BICD1: variants seen among roughly 807,000 people sequenced by gnomAD.
BICD1 encodes protein bicaudal D homolog 1.
A neutral mutation model predicts 92.5 loss-of-function variants in BICD1; 35 were observed. The ratio of observed to expected loss-of-function variants is 0.38; its 90% confidence interval spans 0.29 to 0.50. The LOEUF (loss-of-function observed/expected upper bound fraction) is 0.50. BICD1 is among the 20% of genes least tolerant of loss of function. The pLI is 0.93. For missense variants in BICD1, 950 were observed against 1,189.8 expected, an observed-to-expected ratio of 0.80 and a Z score of 2.97; for synonymous variants, 429 against 465.1, an observed-to-expected ratio of 0.92 and a Z score of 1.00.
intron 2 of BICD1, among the ~76,000 whole-genome samples, chr12:32,290,986 A>G (rs964926256): frequency 1.3e-5 from 2 of 152,236 alleles, no homozygotes; most frequent in African/African-American, 4.8e-5. Flanking sequence ...ACTCTGAGCT[A>G]ACGCCACTAC....
chr12:32,217,184 A>G (rs1945385039), intron 2 of BICD1, among the ~76,000 whole-genome samples: 1 of 152,216 alleles, frequency 6.6e-6, no homozygotes, highest in Non-Finnish European at 1.5e-5. Context: ...TTTGGAAGCT[A>G]TATTCAATCA....
intron 3 of BICD1, among the ~76,000 whole-genome samples, chr12:32,304,941 G>A (rs1376874835): frequency 6.6e-6 from 1 of 152,178 alleles, no homozygotes; most frequent in Non-Finnish European, 1.5e-5. Context: ...AAGATCACTT[G>A]AGCCCGGGAG....
At chr12:32,186,787 G>A (rs942787088) in intron 1 of BICD1, among the ~76,000 whole-genome samples, 5 of 152,074 alleles carry the variant, frequency 3.3e-5, no homozygotes, top group Non-Finnish European at 5.9e-5. Context: ...TGCAAATGTC[G>A]TGCCTCTGCT....
chr12:32,328,311 G>A lies in BICD1; in HGVS notation c.1856G>A (p.Arg619His), dbSNP rs1318769935. The A allele has an allele frequency of 4.3e-6, 7 of 1,614,062 alleles. No homozygotes were observed. Among genetic ancestry groups the A allele is most frequent in the African/African-American group, 2.7e-5 (2 of 74,916 alleles). Residue 619 changes from arginine (R) to histidine (H), a missense_variant, in exon 5 of 10, where the codon CGC becomes CAC. Arg to His is a conservative substitution (Grantham distance 29, BLOSUM62 0). Coordinates refer to ENST00000652176, the MANE Select transcript of BICD1 (RefSeq NM_001714.4). This position sits in a 1 kb window ranked among gnomAD's most constrained non-coding sequence, Gnocchi z 4.4. Reference protein sequence around the residue: ...SSPVLDTSDIRKEPMNIYNLN... With the variant: ...SSPVLDTSDIHKEPMNIYNLN... The stretch of plus-strand genomic sequence containing the variant: ...CCAGTATTGGATACAAGTGACATCC[G>A]CAAAGAGCCAATGAATATCTACAAC...
At position 32,107,450 on chromosome 12, in the gene BICD1, T is replaced by C. The variant is rs1592305691; in HGVS notation, c.119T>C (p.Val40Ala). ...EKIQAAEYGL[V>A]VLEEKLTLKQ... is the part of the protein sequence containing the mutation. ...ATCCAGGCTGCCGAGTACGGGCTGGTGGTGCTGGAGGAGAAGCTGACCCTC... is the reference window on the plus strand; with the variant it reads ...ATCCAGGCTGCCGAGTACGGGCTGGCGGTGCTGGAGGAGAAGCTGACCCTC... The change falls in exon 1 of 10, where the codon GTG becomes GCG. Residue 40 changes from valine (V) to alanine (A), a missense_variant. Around this residue, in one of 5 missense-constraint regions of BICD1, gnomAD observed 202 missense variants for 205.3 expected, o/e 0.98. Coordinates refer to ENST00000652176, the MANE Select transcript of BICD1 (RefSeq NM_001714.4). The C allele has an allele frequency of 6.2e-7, 1 of 1,611,086 alleles. No individual in the cohort carries two copies. Among genetic ancestry groups the C allele is most frequent in the African/African-American group, 1.3e-5 (1 of 74,676 alleles).
intron 8 of BICD1, among the ~76,000 whole-genome samples, chr12:32,366,808 A>C (rs1346055772): frequency 6.6e-6 from 1 of 152,238 alleles, no homozygotes; most frequent in Non-Finnish European, 1.5e-5. Flanking sequence ...AATATGACGT[A>C]TATGCATTTC....
At chr12:32,345,447 C>A (rs1938530689) in intron 8 of BICD1, among the ~76,000 whole-genome samples, 2 of 151,918 alleles carry the variant, frequency 1.3e-5, no homozygotes, top group Non-Finnish European at 2.9e-5. Flanking sequence ...CTGTGCCCAC[C>A]CAACCTTTTG....
chr12:32,184,119 G>C (rs570742740), intron 1 of BICD1, among the ~76,000 whole-genome samples: 4 of 152,270 alleles, frequency 2.6e-5, no homozygotes, highest in Admixed American at 2.6e-4. Flanking sequence ...AGAAGGCTGA[G>C]AATTTAGGGC....
chr12:32,312,426 G>A (rs261898), intron 4 of BICD1, among the ~76,000 whole-genome samples: 135,807 of 152,202 alleles, frequency 0.89, 60,655 homozygotes, highest in East Asian at 0.98. Flanking sequence ...ATATGAAACT[G>A]TGTATAAGTC....
chr12:32,181,672 T>G (rs145717966), intron 1 of BICD1, among the ~76,000 whole-genome samples: 78 of 152,102 alleles, frequency 5.1e-4, no homozygotes, highest in African/African-American at 1.8e-3. Context: ...AAGCTAGTGA[T>G]TCTATCAGAA....
intron 3 of BICD1, among the ~76,000 whole-genome samples, chr12:32,302,261 G>A (rs1298206745): frequency 6.6e-6 from 1 of 152,148 alleles, no homozygotes; most frequent in African/African-American, 2.4e-5. Flanking sequence ...CTAAATATTG[G>A]CAATCAATTC....
chr12:32,283,359 ACCACTCCACT>A (rs10672753), intron 2 of BICD1, among the ~76,000 whole-genome samples: 25 of 149,554 alleles, frequency 1.7e-4, no homozygotes, highest in African/African-American at 4.4e-4. Context: ...TGGGCATTTG[ACCACTCCACT>A]CCACTCCACT....
chr12:32,111,946 G>A (rs1027581583), intron 1 of BICD1, among the ~76,000 whole-genome samples: 6 of 149,786 alleles, frequency 4.0e-5, no homozygotes, highest in South Asian at 2.1e-4. Flanking sequence ...AAACATCATC[G>A]CTTTCAATCA....
At chr12:32,332,573 G>A in intron 5 of BICD1, 1 of 484,018 alleles carries the variant, frequency 2.1e-6, no homozygotes, top group Non-Finnish European at 2.7e-6. Context: ...AGAAGACTCA[G>A]CCTCCTGGGG....
At chr12:32,127,510 T>C (rs1272047887) in intron 1 of BICD1, among the ~76,000 whole-genome samples, 1 of 152,242 alleles carries the variant, frequency 6.6e-6, no homozygotes, top group Non-Finnish European at 1.5e-5. Context: ...TTTGGACTAT[T>C]CTGTTACATT....
At chr12:32,171,953 AC>A (rs1943954859) in intron 1 of BICD1, among the ~76,000 whole-genome samples, 1 of 26,622 alleles carries the variant, frequency 3.8e-5, no homozygotes, top group Non-Finnish European at 9.1e-5. Context: ...ACACACACAC[AC>A]ACACACACAC....
At chr12:32,181,265 C>T (rs1944264391) in intron 1 of BICD1, among the ~76,000 whole-genome samples, 1 of 151,506 alleles carries the variant, frequency 6.6e-6, no homozygotes, top group Non-Finnish European at 1.5e-5. Flanking sequence ...ACTAAAAATA[C>T]AAAAATTAGC....
chr12:32,297,636 T>A (rs1947912501), intron 3 of BICD1, among the ~76,000 whole-genome samples: 1 of 152,236 alleles, frequency 6.6e-6, no homozygotes, highest in Non-Finnish European at 1.5e-5. Context: ...GTATAGTCCT[T>A]CAGCCTGGTT....
At chr12:32,231,645 T>C (rs916798334) in intron 2 of BICD1, among the ~76,000 whole-genome samples, 11 of 152,094 alleles carry the variant, frequency 7.2e-5, no homozygotes, top group African/African-American at 2.4e-4. Context: ...TTGTGCAGAT[T>C]AGTTACATAT....
Sources: gnomAD v4.1 joint callset for allele counts (sites outside exome capture counted in the v4.1 genomes callset) on GRCh38, gnomAD v4.1.1 for gene constraint, gnomAD v4.1.1 regional missense constraint, Gnocchi (gnomAD v3.1) non-coding constraint, MANE v1.5 for transcripts, NCBI Gene and HGNC (gene_info 2026-07-23, HGNC 2026-07-21) for gene names.